The following PAICS variants were observed in gnomAD, a reference collection of about 807,000 sequenced individuals.
PAICS encodes the protein bifunctional phosphoribosylaminoimidazole carboxylase/phosphoribosylaminoimidazole succinocarboxamide synthetase.
PAICS carries 33 observed loss-of-function variants against 53.7 expected under a neutral mutation model. The ratio of observed to expected loss-of-function variants is 0.61; its 90% CI spans 0.47 to 0.82. The LOEUF is 0.82. Ranked by LOEUF, PAICS falls within the 40% of genes least tolerant of loss-of-function variation. The pLI is 0.00. For missense variants in PAICS, 394 were observed against 494.1 expected (o/e 0.80, Z 1.92); for synonymous variants, 141 against 167.2 (o/e 0.84, Z 1.21).
At chr4:56,453,517 A>T in intron 7 of PAICS, 86 bp from the exon 8 acceptor site, 1 of 797,362 alleles carries the variant, frequency 1.3e-6, no homozygotes, top group Non-Finnish European at 1.9e-6. Flanking sequence ...TAAAACATAT[A>T]GGCCTTAAAC....
chr4:56,433,423 A>C (rs575976095), upstream of PAICS, among the ~76,000 whole-genome samples: 5 of 149,926 alleles, frequency 3.3e-5, no homozygotes, highest in East Asian at 1.9e-4. Context: ...GAAAAAAAAA[A>C]CCTATAACCA....
upstream of PAICS, among the ~76,000 whole-genome samples, chr4:56,433,201 C>T (rs1295330231): frequency 6.6e-6 from 1 of 151,540 alleles, no homozygotes; most frequent in Non-Finnish European, 1.5e-5. Flanking sequence ...AGAACCAGCC[C>T]TCTTTGTGCA....
At chr4:56,435,657 C>T (rs1717872990), upstream of PAICS, 1 of 1,434,152 alleles carries the variant, frequency 7.0e-7, no homozygotes, top group Non-Finnish European at 9.3e-7. Flanking sequence ...GCCAGCTCAG[C>T]CCTGCTCCTC....
chr4:56,450,465 CT>C (rs977173961), intron 5 of PAICS, among the ~76,000 whole-genome samples, 153 bp from the exon 6 acceptor site: 7 of 152,254 alleles, frequency 4.6e-5, no homozygotes, highest in African/African-American at 1.7e-4. Context: ...TACTATGGAA[CT>C]TTGTTAGTTT....
chr4:56,446,960 G>T, intron 3 of PAICS, 87 bp downstream of exon 3: 1 of 843,202 alleles, frequency 1.2e-6, no homozygotes, highest in Non-Finnish European at 1.7e-6. Context: ...AAATATTCAA[G>T]CAAAGTTTTT....
chr4:56,451,872 T>C lies in PAICS; in HGVS notation c.772T>C (p.Leu258=), dbSNP rs1236260183. 6.5e-7 allele frequency: 1 copy of C among 1,548,956 alleles called. No individual in the cohort carries two copies. The highest frequency in any genetic ancestry group is 1.4e-5 in the African/African-American group (1 of 72,402). ...NFEWVAERVE[L]LLKSESQCRV... Reference sequence around the variant, plus strand: ...TCATATCCACGTATTTTTTCTTCAGTTGCTTTTGAAATCAGAAAGTCAGTG... The same window carrying C: ...TCATATCCACGTATTTTTTCTTCAGCTGCTTTTGAAATCAGAAAGTCAGTG... Residue 258 remains leucine, a splice_region_variant and synonymous_variant, in exon 7 of 9, where the codon TTG becomes CTG. Coordinates refer to ENST00000512576, the MANE Select transcript of PAICS (RefSeq NM_001079524.2).
Position 56,461,173 on chromosome 4 carries a change from C to T in PAICS, c.*1635C>T, listed in dbSNP as rs1719497793. 6.6e-6 allele frequency: 1 copy of T among 152,192 alleles called. No homozygotes were observed. Among genetic ancestry groups the T allele is most frequent in the South Asian group, 2.1e-4 (1 of 4,830 alleles). The allele number at this position is 152,192 out of a possible 1,614,324, so 9.4% of individuals were successfully genotyped here. ...ACAGTGACTACAAGTAGTTCTTTCT[C>T]TATTGAATTATTAGGTCCAGAATAG... On this transcript the variant is annotated 3_prime_UTR_variant, in exon 9 of 9. Coordinates refer to ENST00000512576, the MANE Select transcript of PAICS (RefSeq NM_001079524.2).
At chr4:56,429,735 A>T in the PAICS span, among the ~76,000 whole-genome samples, 5 of 152,184 alleles carry the variant, frequency 3.3e-5, no homozygotes, top group Admixed American at 1.3e-4. Flanking sequence ...CACCAAATCC[A>T]CCATTCAGGA....
At chr4:56,435,238 T>C, upstream of PAICS, 1 of 1,492,994 alleles carries the variant, frequency 6.7e-7, no homozygotes, top group South Asian at 1.2e-5. Context: ...CTGGCTTAGG[T>C]CGGAGAGGTC....
At chr4:56,436,795 G>C (rs1344868370) in intron 1 of PAICS, among the ~76,000 whole-genome samples, 2 of 152,168 alleles carry the variant, frequency 1.3e-5, no homozygotes, top group African/African-American at 4.8e-5. Context: ...AGTAGTACGA[G>C]ACCAGCCTGG....
the PAICS span, chr4:56,411,029 T>G: frequency 3.0e-6 from 2 of 665,200 alleles, no homozygotes; most frequent in Non-Finnish European, 3.7e-6. Flanking sequence ...ATATCAAGAC[T>G]GTGGAAAAAT....
chr4:56,446,727 G>A lies in PAICS; in HGVS notation c.247G>A (p.Glu83Lys). Reference sequence around the variant, plus strand: ...AACTGCCTTCACCAGAAAATGTGGGGAGACAGCTTTCATTGCACCGCAGTG... The same window carrying A: ...AACTGCCTTCACCAGAAAATGTGGGAAGACAGCTTTCATTGCACCGCAGTG... The part of the protein sequence containing the change: ...IKTAFTRKCG[E>K]TAFIAPQCEM... Residue 83 changes from glutamate to lysine, a missense_variant, in exon 3 of 9, where the codon GAG becomes AAG. This residue lies in a region of PAICS where 168 missense variants were observed against 199.3 expected (regional missense o/e 0.84). Coordinates refer to ENST00000512576, the MANE Select transcript of PAICS (RefSeq NM_001079524.2). 6.2e-7 allele frequency: 1 copy of A among 1,603,124 alleles called. No individual in the cohort carries two copies. The highest frequency in any genetic ancestry group is 8.5e-7 in the Non-Finnish European group (1 of 1,173,882).
rs372377201 is a variant in PAICS, at chr4:56,441,924, G to A, written c.214+64G>A. 6.2e-6 allele frequency: 7 copies of A among 1,136,800 alleles called. No homozygotes were observed. In the African/African-American group the frequency reaches 9.4e-5, roughly 15 times the overall value. 70.4% of individuals were successfully genotyped at this position (1,136,800 alleles called of 1,614,324 possible). On this transcript the variant is annotated intron_variant, in intron 2 of 8. Transcript: ENST00000512576. ...TGGTAAGCATGTCGATGTCTTTCAT[G>A]TGAAGTTGGCATTAATATGAACAAC...
intron 7 of PAICS, 85 bp downstream of exon 7, chr4:56,452,137 A>G: frequency 1.1e-6 from 1 of 876,772 alleles, no homozygotes; most frequent in Non-Finnish European, 1.7e-6. Flanking sequence ...ATGCTGAAAA[A>G]AGAGCTTTGT....
At chr4:56,456,144 T>G (rs1056496041) in intron 8 of PAICS, among the ~76,000 whole-genome samples, 2 of 152,098 alleles carry the variant, frequency 1.3e-5, no homozygotes, top group African/African-American at 4.8e-5. Context: ...CAGGCTGGAG[T>G]GCAATGGCGC....
upstream of PAICS, among the ~76,000 whole-genome samples, chr4:56,433,757 T>C (rs1045245573): frequency 6.6e-6 from 1 of 151,536 alleles, no homozygotes; most frequent in African/African-American, 2.4e-5. Flanking sequence ...TGCAGTGGCG[T>C]GATCTCTGCT....
chr4:56,426,584 G>T, the PAICS span, among the ~76,000 whole-genome samples: 1 of 152,010 alleles, frequency 6.6e-6, no homozygotes, highest in Non-Finnish European at 1.5e-5. Flanking sequence ...GTTCATCCAC[G>T]TTGTAGCATA....
At chr4:56,442,501 AG>A (rs1485891219) in intron 2 of PAICS, among the ~76,000 whole-genome samples, 5 of 152,182 alleles carry the variant, frequency 3.3e-5, no homozygotes, top group Admixed American at 3.3e-4. Context: ...ATTAGGATAA[AG>A]GGGTTTTCTG....
At chr4:56,439,322 C>T (rs545646484) in intron 1 of PAICS, among the ~76,000 whole-genome samples, 1 of 152,192 alleles carries the variant, frequency 6.6e-6, no homozygotes, top group Non-Finnish European at 1.5e-5. Flanking sequence ...CTGCAACCTC[C>T]GCCTTTCAGG....
Sources: allele counts gnomAD v4.1 joint callset (sites outside exome capture counted in the v4.1 genomes callset), GRCh38; gene constraint gnomAD v4.1.1; regional missense constraint gnomAD v4.1.1; transcripts MANE v1.5; gene names NCBI Gene and HGNC (gene_info 2026-07-23, HGNC 2026-07-21).